The following ABCC1 variants were observed in gnomAD, a reference collection of about 807,000 sequenced individuals.
The protein encoded by ABCC1 is ATP binding cassette subfamily C member 1 (ABCC1 blood group).
ABCC1 carries 83 observed loss-of-function variants against 172.9 expected under a neutral mutation model. The ratio of observed to expected loss-of-function variants is 0.48; its 90% confidence interval spans 0.40 to 0.58. The LOEUF is 0.58. Ranked by LOEUF, ABCC1 falls within the 20% of genes least tolerant of loss-of-function variation. The probability of loss-of-function intolerance (pLI) is 0.00; values close to 1 mark genes in which losing one functional copy is unlikely to be tolerated. For synonymous variants in ABCC1, 937 were observed against 825.2 expected (o/e 1.14, Z -2.32); for missense variants, 1,817 against 2,002.7 (o/e 0.91, Z 1.77).
At chr16:16,073,155 C>T (rs1304181573) in intron 14 of ABCC1, among the ~76,000 whole-genome samples, 1 of 152,094 alleles carries the variant, frequency 6.6e-6, no homozygotes, top group Non-Finnish European at 1.5e-5. Context: ...AATGTCCCAA[C>T]TTGTCCATTA....
At chr16:15,953,966 C>T (rs1182492213) in intron 1 of ABCC1, among the ~76,000 whole-genome samples, 1 of 151,106 alleles carries the variant, frequency 6.6e-6, no homozygotes, top group African/African-American at 2.4e-5. Context: ...AAATCCATCC[C>T]TTAGCCTTCT....
At chr16:15,969,894 G>T (rs1484685565) in intron 1 of ABCC1, among the ~76,000 whole-genome samples, 1 of 152,070 alleles carries the variant, frequency 6.6e-6, no homozygotes, top group East Asian at 1.9e-4. Flanking sequence ...CTCCATGCTG[G>T]GAATCGAGCG....
intron 12 of ABCC1, among the ~76,000 whole-genome samples, chr16:16,063,144 C>T (rs1225173315): frequency 2.6e-5 from 4 of 152,134 alleles, no homozygotes; most frequent in Non-Finnish European, 5.9e-5. Context: ...TCTCATTCTG[C>T]CGCCCAGGCT....
intron 19 of ABCC1, among the ~76,000 whole-genome samples, chr16:16,092,277 T>A (rs1421786443): frequency 6.6e-6 from 1 of 151,988 alleles, no homozygotes; most frequent in Middle Eastern, 3.2e-3. Flanking sequence ...TCATACAACA[T>A]ACAATTAACC....
At chr16:16,047,662 T>C (rs2049268222) in intron 9 of ABCC1, among the ~76,000 whole-genome samples, 1 of 152,062 alleles carries the variant, frequency 6.6e-6, no homozygotes, top group Admixed American at 6.6e-5. Context: ...CAAAGAATTA[T>C]CTGGCTCCAG....
At chr16:15,981,276 C>T (rs930229157) in intron 1 of ABCC1, among the ~76,000 whole-genome samples, 2 of 152,222 alleles carry the variant, frequency 1.3e-5, no homozygotes, top group African/African-American at 4.8e-5. Flanking sequence ...CTCACAGCTC[C>T]ACTAGGCAGT....
At chr16:16,011,545 G>A (rs1279287959) in intron 3 of ABCC1, among the ~76,000 whole-genome samples, 1 of 151,442 alleles carries the variant, frequency 6.6e-6, no homozygotes, top group Non-Finnish European at 1.5e-5. Flanking sequence ...ACTGGCGTGA[G>A]ATCACAGCTC....
chr16:16,082,467 G>A (rs935357878), intron 16 of ABCC1, among the ~76,000 whole-genome samples: 12 of 152,136 alleles, frequency 7.9e-5, no homozygotes, highest in South Asian at 2.1e-4. Flanking sequence ...ATTTTCATTA[G>A]CAAAATACAC....
intron 14 of ABCC1, among the ~76,000 whole-genome samples, chr16:16,073,324 A>C (rs2151964504): frequency 6.6e-6 from 1 of 152,316 alleles, no homozygotes; most frequent in African/African-American, 2.4e-5. Context: ...TCCTGGCCAT[A>C]GGGTGTTGCC....
intron 1 of ABCC1, among the ~76,000 whole-genome samples, chr16:15,950,003 AG>A (rs2045829214): frequency 6.6e-6 from 1 of 151,478 alleles, no homozygotes; most frequent in Non-Finnish European, 1.5e-5. Flanking sequence ...GTTCCTGCGG[AG>A]CAGAGCGTGG....
chr16:15,959,432 C>T (rs976530625), intron 1 of ABCC1, among the ~76,000 whole-genome samples: 2 of 152,126 alleles, frequency 1.3e-5, no homozygotes, highest in African/African-American at 4.8e-5. Flanking sequence ...CTGAAGCTAT[C>T]TTCCCACCTT....
At chr16:15,952,275 C>T (rs2045890775) in intron 1 of ABCC1, among the ~76,000 whole-genome samples, 1 of 152,126 alleles carries the variant, frequency 6.6e-6, no homozygotes, top group African/African-American at 2.4e-5. Context: ...TTTTAAGCTC[C>T]TTGTTCTTCC....
intron 14 of ABCC1, among the ~76,000 whole-genome samples, chr16:16,075,114 T>C (rs2151969799): frequency 6.6e-6 from 1 of 151,928 alleles, no homozygotes; most frequent in South Asian, 2.1e-4. Flanking sequence ...CTGGCTAATG[T>C]TTGTATTTTT....
At chr16:15,981,469 A>G (rs1347169843) in intron 1 of ABCC1, among the ~76,000 whole-genome samples, 6 of 152,192 alleles carry the variant, frequency 3.9e-5, no homozygotes, top group African/African-American at 1.4e-4. Context: ...TTTTGTCCAC[A>G]GGCTCAATAC....
chr16:16,090,684 G>A (rs2051216835), intron 19 of ABCC1, 96 bp downstream of exon 19: 2 of 1,372,042 alleles, frequency 1.5e-6, no homozygotes, highest in Non-Finnish European at 1.9e-6. Context: ...ACTTGGGGAA[G>A]GCGGCTCCTC....
At chr16:16,078,739 C>T (rs542104785) in intron 15 of ABCC1, among the ~76,000 whole-genome samples, 26 of 152,290 alleles carry the variant, frequency 1.7e-4, no homozygotes, top group African/African-American at 5.8e-4. Flanking sequence ...TGCAGTGGCA[C>T]GATCTCAGCT....
chr16:15,982,407 T>G (rs912813868), intron 1 of ABCC1, among the ~76,000 whole-genome samples: 1 of 150,968 alleles, frequency 6.6e-6, no homozygotes, highest in Non-Finnish European at 1.5e-5. Context: ...AACACGTCCT[T>G]CTTCACATGG....
chr16:16,079,966 A>G (rs1213867721), intron 16 of ABCC1, among the ~76,000 whole-genome samples: 1 of 151,808 alleles, frequency 6.6e-6, no homozygotes, highest in Non-Finnish European at 1.5e-5. Context: ...ATGCGCCACC[A>G]TGTCCAGCTA....
intron 3 of ABCC1, among the ~76,000 whole-genome samples, chr16:16,012,532 T>C (rs1227660560): frequency 6.7e-6 from 1 of 149,904 alleles, no homozygotes; most frequent in Non-Finnish European, 1.5e-5. Flanking sequence ...ACAGGGTCTT[T>C]CCATGTTGCC....
Sources: gnomAD v4.1 joint callset for allele counts (sites outside exome capture counted in the v4.1 genomes callset) on GRCh38, gnomAD v4.1.1 for gene constraint, MANE v1.5 for transcripts, NCBI Gene and HGNC (gene_info 2026-07-23, HGNC 2026-07-21) for gene names.